The following CEP170B variants were observed in gnomAD, a reference collection of about 807,000 sequenced individuals.
CEP170B encodes the protein centrosomal protein 170B, also known as centrosomal protein of 170 kDa protein B.
In CEP170B, 55 loss-of-function variants were observed where a neutral mutation model predicts 120.6. The ratio of observed to expected loss-of-function variants is 0.46; its 90% CI spans 0.37 to 0.57. The LOEUF is 0.57. CEP170B is among the 20% of genes least tolerant of loss of function. The pLI is 0.00. For missense variants in CEP170B, 2,212 were observed against 2,253.3 expected (o/e 0.98, Z 0.37); for synonymous variants, 1,033 against 954.5 (o/e 1.08, Z -1.52).
rs768154298 is a variant in CEP170B at position 104,893,146 on chromosome 14, G to T, written c.4038+11G>T. Reference sequence around the variant, plus strand: ...TCTGCCCGGGAGGAGGTGAGCCCCAGGCTTTCTGAGGCCCCTGTGCCAGAG... The same window carrying T: ...TCTGCCCGGGAGGAGGTGAGCCCCATGCTTTCTGAGGCCCCTGTGCCAGAG... On this transcript the variant is annotated intron_variant, in intron 14 of 18. Transcript: ENST00000414716. 37 of 1,603,460 alleles carry T rather than the reference G, an allele frequency of 2.3e-5. No individual in the cohort carries two copies. Among genetic ancestry groups the T allele is most frequent in the Non-Finnish European group, 3.1e-5 (37 of 1,176,248 alleles).
chr14:104,883,917 A>G lies in CEP170B; in HGVS notation c.1138A>G (p.Ser380Gly). Residue 380 changes from serine to glycine, a missense_variant, in exon 9 of 19, where the codon AGC becomes GGC. Ser to Gly is a moderately conservative substitution (Grantham distance 56). Coordinates refer to ENST00000414716, the MANE Select transcript of CEP170B (RefSeq NM_001112726.3). ...GGCCGCTGGGGTGCCCTTGGAGGCC[A>G]GCGGGGAGCAGGTGCGGCTGCAGAG... ...ASAAGVPLEA[S>G]GEQVRLQRQI... The G allele has an allele frequency of 1.9e-6, 3 of 1,595,884 alleles. No homozygotes were observed. Among genetic ancestry groups the G allele is most frequent in the Non-Finnish European group, 2.6e-6 (3 of 1,171,704 alleles).
chr14:104,893,709 C>T (rs905943678), intron 15 of CEP170B, 43 bp downstream of exon 15: 2 of 1,585,466 alleles, frequency 1.3e-6, no homozygotes, highest in African/African-American at 2.7e-5. Flanking sequence ...GTGGGGGGAG[C>T]AGGGGCGGGG....
At chr14:104,879,479 C>T (rs550283951) in intron 5 of CEP170B, among the ~76,000 whole-genome samples, 1 of 152,240 alleles carries the variant, frequency 6.6e-6, no homozygotes, top group Non-Finnish European at 1.5e-5. Flanking sequence ...ATCTGAAGGT[C>T]TTAGGCTGAG....
rs561107097 is a variant in CEP170B at position 104,870,449 on chromosome 14, G to C, written c.105+1894G>C. Among the ~76,000 whole-genome samples the C allele has an allele frequency of 2.6e-5, 4 of 152,314 alleles. No homozygotes were observed. The highest frequency in any genetic ancestry group is 2.1e-4 in the South Asian group (1 of 4,820). ...TTGGCGGGTTGCTCCCATGGTCTGC[G>C]TACAGGGGTGGCATCAGTGATGGCC... On this transcript the variant is annotated intron_variant, in intron 2 of 18. Coordinates refer to ENST00000414716, the MANE Select transcript of CEP170B (RefSeq NM_001112726.3). The surrounding 1 kb of genome is among the most constrained non-coding windows in gnomAD (Gnocchi z 4.1).
chr14:104,896,712 A>G lies in CEP170B; in HGVS notation c.*1754A>G, dbSNP rs1346886880. On this transcript the variant is annotated 3_prime_UTR_variant, in exon 19 of 19. Transcript: ENST00000414716. The stretch of plus-strand genomic sequence containing the variant: ...GTTATTTTATATGATTTGTCATGGA[A>G]TTTGTTCTAATAAATCATTCTTCTA... 14 of 454,918 alleles carry G rather than the reference A, an allele frequency of 3.1e-5. No individual in the cohort carries two copies. Among genetic ancestry groups the G allele is most frequent in the Non-Finnish European group, 4.0e-5 (9 of 226,186 alleles). The allele number at this position is 454,918 out of a possible 1,614,324, so 28.2% of individuals were successfully genotyped here. A position where few individuals can be genotyped will look rare whatever the true frequency, so the allele number is the denominator to read the frequency against.
intron 12 of CEP170B, 111 bp from the exon 13 acceptor site, chr14:104,889,509 A>G: frequency 6.4e-7 from 1 of 1,564,972 alleles, no homozygotes; most frequent in Non-Finnish European, 8.6e-7. Context: ...CAATTCACTC[A>G]CCAAGACACG....
At chr14:104,877,551 GC>G (rs893309604) in intron 3 of CEP170B, among the ~76,000 whole-genome samples, 5 of 152,220 alleles carry the variant, frequency 3.3e-5, no homozygotes, top group Non-Finnish European at 5.9e-5. Context: ...GGGGGCTGGG[GC>G]CAGCACGAGG....
chr14:104,889,486 T>C (rs754600905), intron 12 of CEP170B, 134 bp from the exon 13 acceptor site: 1 of 1,536,588 alleles, frequency 6.5e-7, no homozygotes, highest in Non-Finnish European at 8.7e-7. Flanking sequence ...TGTTCTGTTC[T>C]TGCTTCTAAA....
In CEP170B at chr14:104,883,886, G is replaced by T. The variant is rs372852874; in HGVS notation, c.1107G>T (p.Ala369=). 1.9e-6 allele frequency: 3 copies of T among 1,582,334 alleles called. No individual in the cohort carries two copies. Among genetic ancestry groups the T allele is most frequent in the Non-Finnish European group, 2.6e-6 (3 of 1,164,950 alleles). The change falls in exon 9 of 19, where the codon GCG becomes GCT. Residue 369 remains alanine, a synonymous_variant. Transcript: ENST00000414716. ...ACTCAGAGGACCCCCTGGCCAAGGC[G>T]GCCTCGGCCGCTGGGGTGCCCTTGG... is the stretch of plus-strand genomic sequence containing the variant. The part of the protein sequence containing the change: ...QSDSEDPLAK[A]ASAAGVPLEA...
In CEP170B at chr14:104,887,504, C is replaced by G. The variant is rs1202810911; in HGVS notation, c.3265C>G (p.Pro1089Ala). 6.2e-7 allele frequency: 1 copy of G among 1,611,884 alleles called. No individual in the cohort carries two copies. Among genetic ancestry groups the G allele is most frequent in the Admixed American group, 1.7e-5 (1 of 59,982 alleles). ...GAAACCAGCGGCCCCACCGCCATCC[C>G]CAGCTGCCCGGGAGGAGCAGAGCCG... ...RRKPAAPPPSPAAREEQSRSS... is the reference protein window; with the variant it reads ...RRKPAAPPPSAAAREEQSRSS... The change falls in exon 12 of 19, where the codon CCA (proline) becomes GCA (alanine). Residue 1089 changes from proline (P) to alanine (A), a missense_variant. This residue lies in a region of CEP170B where 2,166 missense variants were observed against 2,166.7 expected (regional missense o/e 1.00). Transcript: ENST00000414716.
rs759412477 is a variant in CEP170B at position 104,894,391 on chromosome 14, G to A, written c.4365+13G>A. 14 of 1,611,778 alleles carry A rather than the reference G, an allele frequency of 8.7e-6. No individual in the cohort carries two copies. In the Admixed American group the frequency reaches 1.2e-4, roughly 13 times the overall value. ...GACATCTAACAAGGTGAGCGCTGGG[G>A]CCCCGTGCCCCTTGGCCTGCCCCCA... On this transcript the variant is annotated intron_variant, in intron 17 of 18. Coordinates refer to ENST00000414716, the MANE Select transcript of CEP170B (RefSeq NM_001112726.3).
At position 104,887,451 on chromosome 14, in the gene CEP170B, C is replaced by T. The variant is rs769320023; in HGVS notation, c.3212C>T (p.Thr1071Ile). The change falls in exon 12 of 19, where the codon ACC (threonine) becomes ATC (isoleucine). Residue 1071 changes from threonine (T) to isoleucine (I), a missense_variant. Thr to Ile is a moderately conservative substitution (Grantham distance 89, BLOSUM62 -1). Coordinates refer to ENST00000414716, the MANE Select transcript of CEP170B (RefSeq NM_001112726.3). The part of the protein sequence containing the change: ...MASNHETPEA[T>I]GAGRLGSRRK... ...TCCAACCACGAAACCCCTGAGGCCA[C>T]CGGGGCAGGACGGCTAGGTTCTCGC... is the stretch of plus-strand genomic sequence containing the variant. The T allele has an allele frequency of 5.7e-5, 92 of 1,611,368 alleles. No individual in the cohort carries two copies. In the Middle Eastern group the frequency reaches 9.9e-4, roughly 17 times the overall value.
In CEP170B at chr14:104,895,282, T is replaced by G; in HGVS notation, c.*324T>G. ...TCTTCATCACTGTTATTTTTGTCTT[T>G]AGCTTTAAAGGAAAGAGTTGTTGGT... On this transcript the variant is annotated 3_prime_UTR_variant, in exon 19 of 19. Transcript: ENST00000414716. 6.5e-6 allele frequency: 2 copies of G among 307,384 alleles called. No homozygotes were observed. The highest frequency in any genetic ancestry group is 1.0e-4 in the South Asian group (1 of 9,564). 19.0% of individuals were successfully genotyped at this position (307,384 alleles called of 1,614,324 possible). A position where few individuals can be genotyped will look rare whatever the true frequency, so the allele number is the denominator to read the frequency against.
rs2841236 is a variant in CEP170B, at chr14:104,884,018, A to G, written c.1239A>G (p.Thr413=). 1,071,081 of 1,608,860 alleles carry G rather than the reference A, an allele frequency of 0.67. 367,187 individuals are homozygous for G. Among genetic ancestry groups the G allele is most frequent in the Middle Eastern group, 0.74 (4,501 of 6,058 alleles). The change falls in exon 9 of 19, where the codon ACA becomes ACG. Residue 413 remains threonine, a synonymous_variant. Coordinates refer to ENST00000414716, the MANE Select transcript of CEP170B (RefSeq NM_001112726.3). ...TCATCGAGTTCTTCGACGAGGACAC[A>G]CCCCGAAAGAAGCGCTCCCAGTCCT... ...AFVIEFFDED[T]PRKKRSQSFT...
chr14:104,890,618 A>T (rs1312360679), intron 13 of CEP170B, among the ~76,000 whole-genome samples: 2 of 125,126 alleles, frequency 1.6e-5, no homozygotes, highest in East Asian at 5.9e-4. Context: ...GGATGGAAGG[A>T]TGGATGAGTG....
chr14:104,893,497 C>T, intron 14 of CEP170B, 26 bp from the exon 15 acceptor site: 1 of 1,591,198 alleles, frequency 6.3e-7, no homozygotes, highest in Non-Finnish European at 8.5e-7. Flanking sequence ...GCCTGGGGCC[C>T]ACGGTGCCGG....
At chr14:104,892,529 C>T (rs1456913158) in intron 13 of CEP170B, among the ~76,000 whole-genome samples, 2 of 149,058 alleles carry the variant, frequency 1.3e-5, no homozygotes, top group African/African-American at 4.9e-5. Context: ...GTTTCTGTGG[C>T]CTCAGCCCAC....
chr14:104,887,844 T>C lies in CEP170B; in HGVS notation c.3605T>C (p.Leu1202Ser). Residue 1202 changes from leucine to serine, a missense_variant, in exon 12 of 19, where the codon TTG becomes TCG. This residue lies in a region of CEP170B where 2,166 missense variants were observed against 2,166.7 expected (regional missense o/e 1.00). Coordinates refer to ENST00000414716, the MANE Select transcript of CEP170B (RefSeq NM_001112726.3). ...AGCTTCTCTGGCCGCAGTGTGGAGT[T>C]GTGCTGTGCCAGCCGCAAGCCCACC... Reference protein sequence around the residue: ...RTSFSGRSVELCCASRKPTMA... With the variant: ...RTSFSGRSVESCCASRKPTMA... 1 of 1,581,708 alleles carries C rather than the reference T, an allele frequency of 6.3e-7. No individual in the cohort carries two copies. The highest frequency in any genetic ancestry group is 2.3e-5 in the East Asian group (1 of 43,434).
Position 104,894,918 on chromosome 14 carries a change from A to G in CEP170B, c.4625A>G (p.Asp1542Gly). 1 of 1,594,508 alleles carries G rather than the reference A, an allele frequency of 6.3e-7. No individual in the cohort carries two copies. The highest frequency in any genetic ancestry group is 2.3e-5 in the East Asian group (1 of 43,978). Reference sequence around the variant, plus strand: ...AGCTGTGGGCCTCCCAGCCTCCCGGACCCCACCTTCCTCCCTGATGCCGAG... The same window carrying G: ...AGCTGTGGGCCTCCCAGCCTCCCGGGCCCCACCTTCCTCCCTGATGCCGAG... ...RASCGPPSLP[D>G]PTFLPDAERF... Residue 1542 changes from aspartate to glycine, a missense_variant, in exon 19 of 19, where the codon GAC (aspartate) becomes GGC (glycine). This residue lies in a region of CEP170B where 2,166 missense variants were observed against 2,166.7 expected (regional missense o/e 1.00). Coordinates refer to ENST00000414716, the MANE Select transcript of CEP170B (RefSeq NM_001112726.3).
Sources: gnomAD v4.1 joint callset for allele counts (sites outside exome capture counted in the v4.1 genomes callset) on GRCh38, gnomAD v4.1.1 for gene constraint, gnomAD v4.1.1 regional missense constraint, Gnocchi (gnomAD v3.1) non-coding constraint, MANE v1.5 for transcripts, NCBI Gene and HGNC (gene_info 2026-07-23, HGNC 2026-07-21) for gene names.